Variants in SUPT3H observed in about 807,000 individuals in gnomAD.
The protein encoded by SUPT3H is SPT3 homolog, SAGA and STAGA complex component, also known as transcription initiation protein SPT3 homolog.
A neutral mutation model predicts 44.3 loss-of-function variants in SUPT3H; 44 were observed. The ratio of observed to expected loss-of-function variants is 0.99; its 90% CI spans 0.78 to 1.28. The LOEUF (loss-of-function observed/expected upper bound fraction) is 1.28, where lower values mean the gene tolerates loss of function less well. SUPT3H is among the 50% of genes most tolerant of loss of function. The pLI is 0.00. For missense variants in SUPT3H, 380 were observed against 387.1 expected, an observed-to-expected ratio of 0.98 and a Z score of 0.15; for synonymous variants, 124 against 125.6, an observed-to-expected ratio of 0.99 and a Z score of 0.09.
rs1340704073 is a variant in SUPT3H, at chr6:45,065,268, C to T, written c.186+40654G>A. On this transcript the variant is annotated intron_variant, in intron 3 of 10. Transcript: ENST00000371459. Reference sequence around the variant, plus strand: ...AGATGTTCTTTGAAACCAACGAGAACAAAGACACAACATACCAGAATCTCT... The same window carrying T: ...AGATGTTCTTTGAAACCAACGAGAATAAAGACACAACATACCAGAATCTCT... Among the ~76,000 whole-genome samples, 11 of 137,014 alleles carry T rather than the reference C, an allele frequency of 8.0e-5. No individual in the cohort carries two copies. In the East Asian group the frequency reaches 1.7e-3, roughly 22 times the overall value. 89.9% of individuals were successfully genotyped at this position (137,014 alleles called of 152,430 possible). A position where few individuals can be genotyped will look rare whatever the true frequency, so the allele number is the denominator to read the frequency against.
At chr6:45,087,208 T>C (rs889787774) in intron 3 of SUPT3H, among the ~76,000 whole-genome samples, 6 of 151,976 alleles carry the variant, frequency 3.9e-5, no homozygotes, top group African/African-American at 1.4e-4. Flanking sequence ...ACTACTATAC[T>C]GCATTATTTT....
chr6:45,059,934 G>A (rs1791719823), intron 3 of SUPT3H, among the ~76,000 whole-genome samples: 1 of 151,936 alleles, frequency 6.6e-6, no homozygotes, highest in African/African-American at 2.4e-5. Context: ...CACTGCTCAA[G>A]GAAATTACAG....
In SUPT3H at chr6:45,124,274, A is replaced by C. The variant is rs968421413; in HGVS notation, c.102-18268T>G. Among the ~76,000 whole-genome samples, 107 of 152,026 alleles carry C rather than the reference A, an allele frequency of 7.0e-4. 1 individual carries two copies. Among genetic ancestry groups the C allele is most frequent in the Admixed American group, 2.0e-4 (3 of 15,254 alleles). On this transcript the variant is annotated intron_variant, in intron 2 of 10. Coordinates refer to ENST00000371459, the MANE Select transcript of SUPT3H (RefSeq NM_003599.4). ...AAAACTGTTCCACTGTTAAAAAAAA[A>C]CACTAATTTGTCAAAATATATGGAA...
intron 2 of SUPT3H, among the ~76,000 whole-genome samples, chr6:45,172,819 T>G (rs1037594794): frequency 1.3e-5 from 2 of 151,570 alleles, no homozygotes; most frequent in African/African-American, 4.9e-5. Context: ...CTCGAACTCC[T>G]GACCTCGTGA....
chr6:44,870,598 C>CA (rs775096457), intron 10 of SUPT3H, among the ~76,000 whole-genome samples: 20,519 of 73,534 alleles, frequency 0.28, 2,244 homozygotes, highest in Non-Finnish European at 0.36. Flanking sequence ...GACTCTGTCT[C>CA]AAAAAAAAAA....
intron 2 of SUPT3H, among the ~76,000 whole-genome samples, chr6:45,121,156 C>T (rs1201027046): frequency 6.6e-6 from 1 of 152,114 alleles, no homozygotes; most frequent in Non-Finnish European, 1.5e-5. Context: ...CCACAAAAAT[C>T]TTGGCCCAGA....
chr6:45,010,616 G>T (rs945944863), intron 5 of SUPT3H, among the ~76,000 whole-genome samples: 3 of 152,100 alleles, frequency 2.0e-5, no homozygotes, highest in African/African-American at 2.4e-5. Flanking sequence ...TCTGGTGAAG[G>T]CCTGCTTCAT....
At chr6:45,168,062 C>T (rs963523296) in intron 2 of SUPT3H, among the ~76,000 whole-genome samples, 20 of 152,200 alleles carry the variant, frequency 1.3e-4, no homozygotes, top group African/African-American at 4.6e-4. Flanking sequence ...CCACCCACCT[C>T]GGCCTCCCAA....
intron 2 of SUPT3H, among the ~76,000 whole-genome samples, chr6:45,171,189 T>G (rs1389570500): frequency 6.6e-6 from 1 of 152,204 alleles, no homozygotes; most frequent in Non-Finnish European, 1.5e-5. Flanking sequence ...CTATATTAGT[T>G]TTGAGCATGA....
At chr6:44,938,128 T>C (rs970531228) in intron 9 of SUPT3H, among the ~76,000 whole-genome samples, 2 of 151,918 alleles carry the variant, frequency 1.3e-5, no homozygotes, top group African/African-American at 4.8e-5. Flanking sequence ...TTTGAGGTCT[T>C]AGTCATGAAT....
At chr6:44,898,077 A>C (rs1241184083) in intron 10 of SUPT3H, among the ~76,000 whole-genome samples, 1 of 152,232 alleles carries the variant, frequency 6.6e-6, no homozygotes, top group Non-Finnish European at 1.5e-5. Context: ...TAAGGGACTA[A>C]GAATTTGCAT....
chr6:44,986,315 A>G (rs1417144050), intron 6 of SUPT3H, among the ~76,000 whole-genome samples: 2 of 152,176 alleles, frequency 1.3e-5, no homozygotes. Flanking sequence ...AGTGTCCCCA[A>G]CTATAAAGTG....
At chr6:45,246,370 CTA>C (rs747368969) in intron 2 of SUPT3H, among the ~76,000 whole-genome samples, 31 of 152,142 alleles carry the variant, frequency 2.0e-4, no homozygotes, top group Non-Finnish European at 2.9e-4. Flanking sequence ...AGCTTCTTCA[CTA>C]TGTTTCCTTT....
chr6:45,268,627 G>A (rs572070078), intron 2 of SUPT3H, among the ~76,000 whole-genome samples: 76 of 152,114 alleles, frequency 5.0e-4, no homozygotes, highest in African/African-American at 1.8e-3. Flanking sequence ...GTAAACTACA[G>A]CAGAGGCACA....
chr6:45,225,529 T>C (rs1438511752), intron 2 of SUPT3H, among the ~76,000 whole-genome samples: 5 of 152,118 alleles, frequency 3.3e-5, no homozygotes, highest in Non-Finnish European at 5.9e-5. Flanking sequence ...TTATAAAAAT[T>C]AATATTTTTG....
intron 10 of SUPT3H, among the ~76,000 whole-genome samples, chr6:44,865,520 C>A (rs1775359258): frequency 6.6e-6 from 1 of 151,994 alleles, no homozygotes; most frequent in Non-Finnish European, 1.5e-5. Context: ...GCCTCACAAG[C>A]ATGGCAAAAG....
chr6:44,823,804 A>G (rs1434082916), downstream of SUPT3H, among the ~76,000 whole-genome samples: 1 of 152,142 alleles, frequency 6.6e-6, no homozygotes, highest in African/African-American at 2.4e-5. Flanking sequence ...TCTACTAAAA[A>G]TACAAAAAAT....
intron 3 of SUPT3H, among the ~76,000 whole-genome samples, chr6:45,085,862 C>A (rs1796410339): frequency 6.6e-6 from 1 of 152,014 alleles, no homozygotes; most frequent in Non-Finnish European, 1.5e-5. Context: ...AAAGGTATTA[C>A]ACGAATTATA....
chr6:45,337,734 A>T (rs1011564792), intron 2 of SUPT3H, among the ~76,000 whole-genome samples: 1 of 151,906 alleles, frequency 6.6e-6, no homozygotes, highest in Non-Finnish European at 1.5e-5. Flanking sequence ...AAGAAAGCTA[A>T]AAACAAATCT....
Sources: allele counts gnomAD v4.1 joint callset (sites outside exome capture counted in the v4.1 genomes callset), GRCh38; gene constraint gnomAD v4.1.1; transcripts MANE v1.5; gene names NCBI Gene and HGNC (gene_info 2026-07-23, HGNC 2026-07-21).